CHEK2: variants seen among roughly 807,000 people sequenced by gnomAD.
CHEK2 encodes the protein serine/threonine-protein kinase Chk2.
Under a neutral mutation model 69.1 loss-of-function variants are expected in CHEK2, and 71 were observed. The ratio of observed to expected loss-of-function variants is 1.03; its 90% CI spans 0.85 to 1.25. CHEK2 has a LOEUF of 1.25. CHEK2 is among the 50% of genes most tolerant of loss of function. CHEK2 has a pLI of 0.00. For missense variants in CHEK2, 664 were observed against 649.6 expected, an observed-to-expected ratio of 1.02 and a Z score of -0.24; for synonymous variants, 189 against 226.9, an observed-to-expected ratio of 0.83 and a Z score of 1.50.
At chr22:28,715,919 G>A (rs2053571585) in intron 5 of CHEK2, among the ~76,000 whole-genome samples, 1 of 149,350 alleles carries the variant, frequency 6.7e-6, no homozygotes, top group Non-Finnish European at 1.5e-5. Flanking sequence ...AGGCTGGAAT[G>A]CAGTGGCATG....
chr22:28,695,892 G>A lies in CHEK2; in HGVS notation c.1096-19C>T, dbSNP rs2145807698. ...CAGTAATCTAAAATTCAGTACAAAA[G>A]GGAATAATGTTGAACTTGCCATAAA... On this transcript the variant is annotated intron_variant, in intron 10 of 14. Coordinates refer to ENST00000404276, the MANE Select transcript of CHEK2 (RefSeq NM_007194.4). 6.3e-7 allele frequency: 1 copy of A among 1,594,192 alleles called. No homozygotes were observed.
intron 2 of CHEK2, among the ~76,000 whole-genome samples, chr22:28,731,421 A>T (rs2054211871): frequency 6.6e-6 from 1 of 151,976 alleles, no homozygotes; most frequent in Non-Finnish European, 1.5e-5. Context: ...CAATATGATG[A>T]CAACCCGTCC....
At chr22:28,710,684 C>A (rs2053361672) in intron 6 of CHEK2, among the ~76,000 whole-genome samples, 1 of 152,170 alleles carries the variant, frequency 6.6e-6, no homozygotes, top group Non-Finnish European at 1.5e-5. Context: ...AACTCAGCTT[C>A]CTGGGCTACA....
At chr22:28,731,736 C>T (rs2054223563) in intron 2 of CHEK2, among the ~76,000 whole-genome samples, 1 of 151,870 alleles carries the variant, frequency 6.6e-6, no homozygotes, top group Non-Finnish European at 1.5e-5. Flanking sequence ...GCTATATTGC[C>T]CAGCAGGTCT....
At chr22:28,730,590 GCT>G in intron 2 of CHEK2, 1 of 660,574 alleles carries the variant, frequency 1.5e-6, no homozygotes, top group African/African-American at 1.8e-5. Context: ...AGCCACGGTG[GCT>G]CATGCCTGTA....
chr22:28,730,573 T>G, intron 2 of CHEK2: 1 of 680,630 alleles, frequency 1.5e-6, no homozygotes, highest in Admixed American at 2.0e-5. Flanking sequence ...AATAAAAAAG[T>G]TAGGCCAGCC....
chr22:28,715,724 T>A (rs1286143429), intron 5 of CHEK2, among the ~76,000 whole-genome samples: 2 of 152,204 alleles, frequency 1.3e-5, no homozygotes, highest in East Asian at 3.9e-4. Flanking sequence ...CCGGCCTGGC[T>A]ATTTCCCAGT....
chr22:28,739,135 T>C (rs1451756802), intron 1 of CHEK2, among the ~76,000 whole-genome samples: 1 of 151,974 alleles, frequency 6.6e-6, no homozygotes, highest in Non-Finnish European at 1.5e-5. Flanking sequence ...CTGGGCATGG[T>C]GGCCCGTGCC....
Position 28,724,987 on chromosome 22 carries a change from G to A in CHEK2, c.582C>T (p.Ser194=), listed in dbSNP as rs761126328. 10 of 1,613,768 alleles carry A rather than the reference G, an allele frequency of 6.2e-6. No homozygotes were observed. In the South Asian group the frequency reaches 8.8e-5, roughly 14 times the overall value. ...NNNSEIALSL[S]RNKVFVFFDL... is the part of the protein sequence containing the mutation. ...AGATAATAATATTACCTTTATTTCT[G>A]CTTAGTGACAGTGCAATTTCAGAAT... Residue 194 remains serine (S), a synonymous_variant, in exon 4 of 15, where the codon AGC becomes AGT. Transcript: ENST00000404276.
chr22:28,705,911 C>T (rs184843143), intron 7 of CHEK2, among the ~76,000 whole-genome samples: 1 of 152,002 alleles, frequency 6.6e-6, no homozygotes, highest in East Asian at 1.9e-4. Context: ...CCATGGCACT[C>T]TAGCCTGGGC....
intron 11 of CHEK2, 146 bp downstream of exon 11, chr22:28,695,564 G>A (rs1331964553): frequency 1.3e-5 from 10 of 740,766 alleles, no homozygotes; most frequent in Non-Finnish European, 2.4e-5. Flanking sequence ...GGCTGAGGTG[G>A]GAGGATCACT....
At chr22:28,729,742 T>G (rs5752779) in intron 2 of CHEK2, among the ~76,000 whole-genome samples, 149,848 of 152,000 alleles carry the variant, frequency 0.99, 73,902 homozygotes, top group Middle Eastern at 1. Flanking sequence ...TTCAACCTAA[T>G]AAAGAGCTTT....
intron 1 of CHEK2, chr22:28,737,890 T>C (rs2054458256): frequency 6.6e-6 from 1 of 152,354 alleles, no homozygotes; most frequent in Non-Finnish European, 1.5e-5. Context: ...CCCACACTGA[T>C]TGTATTTACA....
intron 13 of CHEK2, among the ~76,000 whole-genome samples, chr22:28,692,715 A>T (rs2052412483): frequency 6.6e-6 from 1 of 152,194 alleles, no homozygotes; most frequent in South Asian, 2.1e-4. Context: ...ATCTCCACAG[A>T]AAACGGATTG....
intron 2 of CHEK2, among the ~76,000 whole-genome samples, 177 bp downstream of exon 2, chr22:28,734,226 T>A (rs910896488): frequency 2.4e-4 from 37 of 152,336 alleles, no homozygotes; most frequent in African/African-American, 8.9e-4. Flanking sequence ...TTAGCTTCTA[T>A]TGCCTTCCAC....
At position 28,734,484 on chromosome 22, in the gene CHEK2, G is replaced by A. The variant is rs745355600; in HGVS notation, c.238C>T (p.Pro80Ser). The change falls in exon 2 of 15, where the codon CCT (proline) becomes TCT (serine). Residue 80 changes from proline (P) to serine (S), a missense_variant. Transcript: ENST00000404276. The stretch of plus-strand genomic sequence containing the variant: ...GGCTCCTCAGGTTCTTGGTCCTCAG[G>A]TTCTTGGTCCTCAGGAATAGAATAG... ...ELYSIPEDQE[P>S]EDQEPEEPTP... 2 of 1,614,114 alleles carry A rather than the reference G, an allele frequency of 1.2e-6. No homozygotes were observed. Among genetic ancestry groups the A allele is most frequent in the Non-Finnish European group, 1.7e-6 (2 of 1,180,018 alleles).
rs755057592 is a variant in CHEK2, at chr22:28,712,005, T to G, written c.696A>C (p.Gly232=). The G allele has an allele frequency of 2.5e-6, 4 of 1,611,696 alleles. No individual in the cohort carries two copies. The stretch of plus-strand genomic sequence containing the variant: ...TCCTCTCGAAAGCCAGCTTTACCTC[T>G]CCACAGGCACCACTAGAGGGAAAAA... ...MSKTLGSGAC[G]EVKLAFERKT... The change falls in exon 6 of 15, where the codon GGA becomes GGC. Residue 232 remains glycine, a synonymous_variant. Coordinates refer to ENST00000404276, the MANE Select transcript of CHEK2 (RefSeq NM_007194.4).
chr22:28,734,866 A>G, intron 1 of CHEK2, 139 bp from the exon 2 acceptor site: 2 of 727,398 alleles, frequency 2.7e-6, no homozygotes, highest in Admixed American at 5.3e-5. Context: ...CCAAAAATTA[A>G]AAGTCCTAAC....
chr22:28,690,923 A>G (rs528268516), intron 13 of CHEK2, among the ~76,000 whole-genome samples: 1 of 150,470 alleles, frequency 6.6e-6, no homozygotes, highest in African/African-American at 2.4e-5. Flanking sequence ...GACCAGGCAC[A>G]GTGGCTCACG....
Sources: allele counts gnomAD v4.1 joint callset (sites outside exome capture counted in the v4.1 genomes callset), GRCh38; gene constraint gnomAD v4.1.1; transcripts MANE v1.5; gene names NCBI Gene and HGNC (gene_info 2026-07-23, HGNC 2026-07-21).